The following FAT3 variants were observed in gnomAD, a reference collection of about 807,000 sequenced individuals.
FAT3 encodes protocadherin Fat 3.
Under a neutral mutation model 310.2 loss-of-function variants are expected in FAT3, and 95 were observed. The ratio of observed to expected loss-of-function variants is 0.31; its 90% CI spans 0.26 to 0.36. The LOEUF is 0.36. Ranked by LOEUF, FAT3 falls within the 10% of genes least tolerant of loss-of-function variation. FAT3 has a pLI of 1.00. For synonymous variants in FAT3, 2,314 were observed against 2,192.9 expected (o/e 1.06, Z -1.54); for missense variants, 5,408 against 5,715.6 (o/e 0.95, Z 1.74).
At chr11:92,586,157 G>T (rs1016823287) in intron 3 of FAT3, among the ~76,000 whole-genome samples, 1 of 151,914 alleles carries the variant, frequency 6.6e-6, no homozygotes, top group African/African-American at 2.4e-5. Flanking sequence ...AGAATTAGAG[G>T]TACTGGTATA....
At chr11:92,761,624 A>C (rs992883721) in intron 4 of FAT3, among the ~76,000 whole-genome samples, 2 of 152,142 alleles carry the variant, frequency 1.3e-5, no homozygotes, top group African/African-American at 4.8e-5. Flanking sequence ...CTCAATCCTT[A>C]TGATCTCATT....
chr11:92,715,812 G>T (rs954150232), intron 4 of FAT3, among the ~76,000 whole-genome samples: 1 of 151,824 alleles, frequency 6.6e-6, no homozygotes, highest in Non-Finnish European at 1.5e-5. Flanking sequence ...ATAAGAAGAA[G>T]ATCAACGTAA....
chr11:92,741,991 G>A (rs1358732503), intron 4 of FAT3, among the ~76,000 whole-genome samples: 2 of 152,138 alleles, frequency 1.3e-5, no homozygotes, highest in Non-Finnish European at 2.9e-5. Context: ...CCAATGCAAG[G>A]CCTTGTTCCT....
chr11:92,625,110 A>T (rs551704380), intron 3 of FAT3, among the ~76,000 whole-genome samples: 85 of 152,180 alleles, frequency 5.6e-4, no homozygotes, highest in Non-Finnish European at 9.8e-4. Flanking sequence ...CCATTCCCTG[A>T]GACAGAGAAC....
chr11:92,550,123 T>A lies in FAT3; in HGVS notation c.3607+25175T>A, dbSNP rs1363137797. ...TTCAAGAATTAAAAGCCAATTTTTGTTTTAAATCACTTTAAATGGTATTTC... is the reference window on the plus strand; with the variant it reads ...TTCAAGAATTAAAAGCCAATTTTTGATTTAAATCACTTTAAATGGTATTTC... On this transcript the variant is annotated intron_variant, in intron 3 of 27. Transcript: ENST00000525166. Among the ~76,000 whole-genome samples the A allele has an allele frequency of 3.3e-5, 5 of 152,196 alleles. No individual in the cohort carries two copies. In the East Asian group the frequency reaches 9.6e-4, roughly 29 times the overall value.
intron 3 of FAT3, among the ~76,000 whole-genome samples, chr11:92,658,552 A>C (rs1045243603): frequency 3.3e-5 from 5 of 152,076 alleles, no homozygotes; most frequent in African/African-American, 1.2e-4. Flanking sequence ...AATGACCTCT[A>C]CCTTGCTCTG....
intron 8 of FAT3, among the ~76,000 whole-genome samples, chr11:92,791,356 A>T (rs1947035751): frequency 6.6e-6 from 1 of 152,208 alleles, no homozygotes; most frequent in South Asian, 2.1e-4. Context: ...AATAGAGTTC[A>T]GCTTGGTCCT....
chr11:92,523,187 T>A (rs1953742813), intron 2 of FAT3, among the ~76,000 whole-genome samples: 1 of 152,200 alleles, frequency 6.6e-6, no homozygotes, highest in South Asian at 2.1e-4. Flanking sequence ...TTGCTTTTAC[T>A]TCTCATTTTC....
chr11:92,344,530 GAAA>G (rs1948358024), intron 1 of FAT3, among the ~76,000 whole-genome samples: 1 of 152,186 alleles, frequency 6.6e-6, no homozygotes, highest in Non-Finnish European at 1.5e-5. Flanking sequence ...ATGCTGGAAA[GAAA>G]CTGTACACTG....
intron 4 of FAT3, among the ~76,000 whole-genome samples, chr11:92,722,324 C>T (rs1157360551): frequency 6.6e-6 from 1 of 152,188 alleles, no homozygotes; most frequent in African/African-American, 2.4e-5. Flanking sequence ...CTTAAAGCTC[C>T]AAAATGATCT....
chr11:92,512,579 AT>A (rs1005230498), intron 2 of FAT3, among the ~76,000 whole-genome samples: 1 of 147,168 alleles, frequency 6.8e-6, no homozygotes, highest in African/African-American at 2.5e-5. Flanking sequence ...TATATTTTAA[AT>A]TTTTATATAT....
At chr11:92,639,494 ATC>A (rs1941882046) in intron 3 of FAT3, among the ~76,000 whole-genome samples, 1 of 151,534 alleles carries the variant, frequency 6.6e-6, no homozygotes, top group Non-Finnish European at 1.5e-5. Context: ...CTCTCTCTCA[ATC>A]TCTCTTTCTC....
At chr11:92,472,082 T>C (rs1040047566) in intron 2 of FAT3, among the ~76,000 whole-genome samples, 3 of 151,846 alleles carry the variant, frequency 2.0e-5, no homozygotes, top group African/African-American at 7.3e-5. Context: ...TATCAAAAAG[T>C]GTGCATAACA....
intron 2 of FAT3, among the ~76,000 whole-genome samples, chr11:92,388,505 T>C (rs919428537): frequency 4.6e-5 from 7 of 152,150 alleles, no homozygotes; most frequent in Non-Finnish European, 8.8e-5. Context: ...TCTTAATTGT[T>C]CTAAAGTGAC....
intron 4 of FAT3, among the ~76,000 whole-genome samples, chr11:92,705,794 ATGGTGTTGGTGTTGG>A (rs1944314004): frequency 2.8e-5 from 1 of 35,214 alleles, no homozygotes; most frequent in Non-Finnish European, 5.3e-5. Flanking sequence ...TGGTGGTGTG[ATGGTGTTGGTGTTGG>A]TGGTGGTGTG....
At position 92,823,903 on chromosome 11, in the gene FAT3, T is replaced by G. The variant is rs903860429; in HGVS notation, c.9482-7719T>G. Among the ~76,000 whole-genome samples, 7 of 152,194 alleles carry G rather than the reference T, an allele frequency of 4.6e-5. No individual in the cohort carries two copies. The South Asian group carries it at 1.5e-3, about 32-fold the overall frequency. On this transcript the variant is annotated intron_variant, in intron 13 of 27. Transcript: ENST00000525166. ...TTCCATGGGCCTCTTCATGGCAACT[T>G]CCTGTTTTATTTCATATTATCCACA...
At position 92,433,201 on chromosome 11, in the gene FAT3, A is replaced by G. The variant is rs957687865; in HGVS notation, c.3292+77797A>G. On this transcript the variant is annotated intron_variant, in intron 2 of 27. Coordinates refer to ENST00000525166, the MANE Select transcript of FAT3 (RefSeq NM_001367949.2). ...GGGGTAGGATCCACTGAACAAGACC[A>G]CTTGGCTCCCTGGCTTCAGCTGCCT... 3.3e-5 allele frequency among the ~76,000 whole-genome samples: 5 copies of G among 152,054 alleles called. No individual in the cohort carries two copies. In the East Asian group the frequency reaches 7.7e-4, roughly 24 times the overall value.
At chr11:92,710,511 G>A (rs1356649794) in intron 4 of FAT3, among the ~76,000 whole-genome samples, 2 of 152,200 alleles carry the variant, frequency 1.3e-5, no homozygotes, top group East Asian at 1.9e-4. Context: ...TGTTGGCAGG[G>A]AGACATAACC....
At chr11:92,510,699 G>A (rs183922046) in intron 2 of FAT3, among the ~76,000 whole-genome samples, 1 of 152,294 alleles carries the variant, frequency 6.6e-6, no homozygotes, top group East Asian at 1.9e-4. Flanking sequence ...AAACAGACAA[G>A]GAGAGCTGTC....
Sources: allele counts gnomAD v4.1 joint callset (sites outside exome capture counted in the v4.1 genomes callset), GRCh38; gene constraint gnomAD v4.1.1; transcripts MANE v1.5; gene names NCBI Gene and HGNC (gene_info 2026-07-23, HGNC 2026-07-21).